Variants in PSG5 observed in about 807,000 individuals in gnomAD.
PSG5 encodes the protein pregnancy specific beta-1-glycoprotein 5.
In PSG5, 53 loss-of-function variants were observed where a neutral mutation model predicts 37.7. The ratio of observed to expected loss-of-function variants is 1.41; its 90% confidence interval spans 1.13 to 1.77. The LOEUF (loss-of-function observed/expected upper bound fraction) is 1.77. Ranked by LOEUF, PSG5 falls within the 40% of genes most tolerant of loss-of-function variation. The pLI is 0.00. For missense variants in PSG5, 547 were observed against 405.2 expected (o/e 1.35, Z -3.00); for synonymous variants, 221 against 155.4 (o/e 1.42, Z -3.14).
intron 1 of PSG5, among the ~76,000 whole-genome samples, chr19:43,185,836 T>G (rs1448719336): frequency 2.4e-5 from 1 of 41,204 alleles, no homozygotes; most frequent in Non-Finnish European, 4.3e-5. Flanking sequence ...GTTATTATTA[T>G]CATTTTTCAA....
chr19:43,175,678 G>T (rs553887759), intron 3 of PSG5, 192 bp downstream of exon 3: 20 of 1,389,098 alleles, frequency 1.4e-5, no homozygotes, highest in Non-Finnish European at 1.8e-5. Flanking sequence ...TGACAAGAGC[G>T]CCCCCTCCCC....
Position 43,169,235 on chromosome 19 carries a change from C to T in PSG5, c.*40+820G>A, listed in dbSNP as rs1194520470. On this transcript the variant is annotated intron_variant, in intron 5 of 5. Transcript: ENST00000342951. Reference sequence around the variant, plus strand: ...TATGTCTCCTGGGGTAGGGACCTTGCCTTCTTCATTTCTGTATGTTTTTTG... The same window carrying T: ...TATGTCTCCTGGGGTAGGGACCTTGTCTTCTTCATTTCTGTATGTTTTTTG... 1.3e-5 allele frequency among the ~76,000 whole-genome samples: 2 copies of T among 151,562 alleles called. 1 individual carries two copies. Among genetic ancestry groups the T allele is most frequent in the African/African-American group, 4.9e-5 (2 of 41,098 alleles).
chr19:43,178,498 G>A (rs1969058230), intron 2 of PSG5, among the ~76,000 whole-genome samples: 1 of 151,618 alleles, frequency 6.6e-6, no homozygotes, highest in African/African-American at 2.4e-5. Context: ...AGAGAATAAA[G>A]TCACAGGTGA....
chr19:43,184,977 T>G lies in PSG5; in HGVS notation c.235A>C (p.Ile79Leu). The G allele has an allele frequency of 6.2e-7, 1 of 1,612,440 alleles. No homozygotes were observed. The highest frequency in any genetic ancestry group is 8.5e-7 in the Non-Finnish European group (1 of 1,179,102). Residue 79 changes from isoleucine to leucine, a missense_variant, in exon 2 of 6, where the codon ATT becomes CTT. Physicochemically the swap from Ile to Leu is conservative, Grantham distance 5. Transcript: ENST00000342951. ...KGQLMDLYHY[I>L]TSYVVDGQIN... ...TGACCGTCTACTACATATGATGTAA[T>G]GTAATGGTAGAGGTCCATCAGTTGT...
intron 1 of PSG5, 37 bp from the exon 2 acceptor site, chr19:43,185,184 C>G (rs1273650624): frequency 6.4e-7 from 1 of 1,566,040 alleles, no homozygotes. Context: ...ATATTGAGAC[C>G]TGTGTATTGG....
chr19:43,169,770 G>A (rs1181077920), intron 5 of PSG5, among the ~76,000 whole-genome samples: 2 of 151,624 alleles, frequency 1.3e-5, no homozygotes, highest in African/African-American at 4.9e-5. Context: ...ATTGAGAGAT[G>A]TTAAAAATAA....
At chr19:43,169,880 C>T (rs1397467643) in intron 5 of PSG5, 175 bp downstream of exon 5, 4 of 428,990 alleles carry the variant, frequency 9.3e-6, no homozygotes, top group Non-Finnish European at 1.8e-5. Context: ...CAGTGGGGTA[C>T]AGGGAGCATA....
chr19:43,186,453 C>A lies in PSG5; in HGVS notation c.-48G>T. On this transcript the variant is annotated 5_prime_UTR_variant, in exon 1 of 6. Coordinates refer to ENST00000342951, the MANE Select transcript of PSG5 (RefSeq NM_002781.4). ...CCTCTGTGGAGCTGAGCCTAGGATC[C>A]AGAAACTTCCTGAGCACGGCTGTAG... 1 of 1,608,978 alleles carries A rather than the reference C, an allele frequency of 6.2e-7. No homozygotes were observed.
At chr19:43,172,076 T>A (rs188778281) in intron 4 of PSG5, among the ~76,000 whole-genome samples, 1 of 151,386 alleles carries the variant, frequency 6.6e-6, no homozygotes, top group Admixed American at 6.6e-5. Flanking sequence ...TATAAATAAT[T>A]TTATGCAAAT....
chr19:43,180,555 A>C lies in PSG5; in HGVS notation c.430+4227T>G, dbSNP rs1394000170. The C allele has an allele frequency of 2.6e-5, 4 of 151,648 alleles. 1 individual carries two copies. Among genetic ancestry groups the C allele is most frequent in the African/African-American group, 9.7e-5 (4 of 41,230 alleles). The allele number at this position is 151,648 out of a possible 1,614,324, so 9.4% of individuals were successfully genotyped here. On this transcript the variant is annotated intron_variant, in intron 2 of 5. Transcript: ENST00000342951. Reference sequence around the variant, plus strand: ...ATTCGTAATACTGTAATTTTCCCATAAAAAGTTGTCAGGAGTTTAGACCTC... The same window carrying C: ...ATTCGTAATACTGTAATTTTCCCATCAAAAGTTGTCAGGAGTTTAGACCTC...
rs17408899 is a variant in PSG5, at chr19:43,170,130, C to T, written c.973G>A (p.Gly325Arg). Residue 325 changes from glycine to arginine, a missense_variant, in exon 5 of 6, where the codon GGA (glycine) becomes AGA (arginine). By Grantham distance (125) the Gly-to-Arg change is moderately radical. Transcript: ENST00000342951. ...SMTVEVSAPSGIGRLPLLNPI is the reference protein window; with the variant it reads ...SMTVEVSAPSRIGRLPLLNPI ...TTAAGGAGAGGAAGACGTCCTATTC[C>T]TGAAGGAGCTGTCATGGAAAGAAAA... 1.3e-6 allele frequency: 2 copies of T among 1,586,362 alleles called. No homozygotes were observed. The highest frequency in any genetic ancestry group is 8.6e-7 in the Non-Finnish European group (1 of 1,159,714).
At chr19:43,185,504 T>G (rs1331422809) in intron 1 of PSG5, among the ~76,000 whole-genome samples, 1 of 149,270 alleles carries the variant, frequency 6.7e-6, no homozygotes, top group African/African-American at 2.5e-5. Context: ...GACACGTCCT[T>G]CAGAGACCCT....
intron 3 of PSG5, 180 bp from the exon 4 acceptor site, chr19:43,175,649 A>T: frequency 2.2e-6 from 3 of 1,386,564 alleles, no homozygotes; most frequent in Non-Finnish European, 2.9e-6. Context: ...ATCACAAGCT[A>T]TTGACACAAA....
In PSG5 at chr19:43,178,733, TG is replaced by T. The variant is rs1336016439; in HGVS notation, c.431-2586del. On this transcript the variant is annotated intron_variant, in intron 2 of 5. Coordinates refer to ENST00000342951, the MANE Select transcript of PSG5 (RefSeq NM_002781.4). ...GATCAAGCCTAGGCCTACTCTGTTT[TG>T]CCTGGGGCAGAAAGTCATGGCCAGC... is the stretch of plus-strand genomic sequence containing the variant. 7.7e-6 allele frequency: 12 copies of T among 1,564,618 alleles called. 1 individual carries two copies. In the East Asian group the frequency reaches 2.5e-4, roughly 32 times the overall value.
At chr19:43,185,285 AG>A (rs1261455803) in intron 1 of PSG5, 138 bp from the exon 2 acceptor site, 1 of 1,221,442 alleles carries the variant, frequency 8.2e-7, no homozygotes, top group African/African-American at 1.5e-5. Flanking sequence ...CACACACAAA[AG>A]GTGCATGTTA....
chr19:43,173,520 A>G (rs1400784446), intron 4 of PSG5, among the ~76,000 whole-genome samples: 6 of 151,612 alleles, frequency 4.0e-5, no homozygotes, highest in Admixed American at 2.6e-4. Context: ...ACATCCAAAA[A>G]CCCAATTAAA....
intron 4 of PSG5, chr19:43,174,750 G>A: frequency 1.8e-6 from 2 of 1,115,886 alleles, no homozygotes; most frequent in East Asian, 4.1e-5. Context: ...AGGAAGCAGA[G>A]TCTGAGCTGC....
chr19:43,176,705 A>C (rs62115017), intron 2 of PSG5, among the ~76,000 whole-genome samples: 2 of 150,578 alleles, frequency 1.3e-5, no homozygotes, highest in African/African-American at 4.9e-5. Context: ...CCTGGAGGTC[A>C]GTTCAGTCAT....
intron 5 of PSG5, among the ~76,000 whole-genome samples, chr19:43,168,428 A>G (rs530232147): frequency 2.0e-5 from 3 of 151,516 alleles, no homozygotes; most frequent in African/African-American, 4.9e-5. Flanking sequence ...GAGTGCAGTG[A>G]TGCGATCTCA....
Sources: allele counts gnomAD v4.1 joint callset (sites outside exome capture counted in the v4.1 genomes callset), GRCh38; gene constraint gnomAD v4.1.1; transcripts MANE v1.5; gene names NCBI Gene and HGNC (gene_info 2026-07-23, HGNC 2026-07-21).